Variants in PDK3 observed in about 807,000 individuals in gnomAD.
PDK3 encodes the protein pyruvate dehydrogenase kinase 3.
Under a neutral mutation model 32.0 loss-of-function variants are expected in PDK3, and 12 were observed. The observed-to-expected ratio is 0.37, with a 90% CI of 0.24 to 0.61. The LOEUF (loss-of-function observed/expected upper bound fraction) is 0.61. PDK3 is among the 20% of genes least tolerant of loss of function. The pLI, the probability that PDK3 is intolerant of heterozygous loss-of-function variation, is 0.65. For synonymous variants in PDK3, 122 were observed against 116.3 expected (o/e 1.05, Z -0.31); for missense variants, 188 against 316.9 (o/e 0.59, Z 3.09).
At chrX:24,518,584 T>C (rs746518519) in intron 5 of PDK3, among the ~76,000 whole-genome samples, 17 of 112,105 alleles carry the variant, frequency 1.5e-4, no homozygotes, top group Admixed American at 1.4e-3. Context: ...CTTGGAAGGC[T>C]GAGGCGGGAG....
chrX:24,543,270 A>G (rs1199904836), exon 12 of PDK3, among the ~76,000 whole-genome samples: 1 of 110,396 alleles, frequency 9.1e-6, no homozygotes, highest in African/African-American at 3.3e-5. Context: ...TCTGTCCTTC[A>G]CAGTTATCTT....
intron 1 of PDK3, among the ~76,000 whole-genome samples, chrX:24,484,535 G>C (rs952032110): frequency 8.9e-6 from 1 of 111,866 alleles, no homozygotes; most frequent in Admixed American, 9.5e-5. Flanking sequence ...TCACTAGTCT[G>C]TGCAGATATA....
intron 9 of PDK3, among the ~76,000 whole-genome samples, chrX:24,531,375 A>T (rs998187173): frequency 1.8e-5 from 2 of 112,304 alleles, no homozygotes; most frequent in African/African-American, 6.5e-5. Flanking sequence ...ATGTGCTTTT[A>T]AAAAAATGAT....
At chrX:24,515,792 AT>A (rs755111184) in intron 5 of PDK3, among the ~76,000 whole-genome samples, 1 of 112,075 alleles carries the variant, frequency 8.9e-6, no homozygotes, top group South Asian at 3.7e-4. Flanking sequence ...ACAATTCAAA[AT>A]TTTTAACTTT....
intron 6 of PDK3, among the ~76,000 whole-genome samples, chrX:24,520,480 CA>C (rs1306872377): frequency 1.8e-5 from 2 of 111,981 alleles, no homozygotes; most frequent in Non-Finnish European, 1.9e-5. Flanking sequence ...TTTATACTAC[CA>C]AAATACAAAT....
intron 10 of PDK3, among the ~76,000 whole-genome samples, chrX:24,532,881 G>A (rs1922684889): frequency 9.0e-6 from 1 of 110,668 alleles, no homozygotes; most frequent in Non-Finnish European, 1.9e-5. Context: ...GCCACTGTGG[G>A]TCAAGCATCC....
At chrX:24,537,493 CT>C (rs954211302), downstream of PDK3, among the ~76,000 whole-genome samples, 10 of 108,734 alleles carry the variant, frequency 9.2e-5, no homozygotes, top group African/African-American at 2.7e-4. Flanking sequence ...CTTGTTATAC[CT>C]TTTTTAGGCC....
At position 24,484,458 on chromosome X, in the gene PDK3, C is replaced by T. The variant is rs1303539786; in HGVS notation, c.107-10284C>T. Among the ~76,000 whole-genome samples the T allele has an allele frequency of 3.5e-5, 4 of 112,891 alleles. No homozygotes were observed. The East Asian group carries it at 1.1e-3, about 31-fold the overall frequency. On this transcript the variant is annotated intron_variant, in intron 1 of 10. Transcript: ENST00000379162. ...GGCATTGCCCAAGCACAGGGCACAACTTCTGGGCCCACAGAGAAATCCATT... is the reference window on the plus strand; with the variant it reads ...GGCATTGCCCAAGCACAGGGCACAATTTCTGGGCCCACAGAGAAATCCATT...
chrX:24,529,758 C>CA (rs535951847), intron 9 of PDK3, among the ~76,000 whole-genome samples: 13,806 of 50,148 alleles, frequency 0.28, 1,312 homozygotes, highest in Non-Finnish European at 0.37. Flanking sequence ...GGCTCTGCCT[C>CA]AAAAAAAAAA....
exon 12 of PDK3, among the ~76,000 whole-genome samples, chrX:24,543,915 T>C (rs754670014): frequency 8.9e-6 from 1 of 111,868 alleles, no homozygotes; most frequent in South Asian, 3.7e-4. Flanking sequence ...TTCCTTTTCT[T>C]GTATTGTTTT....
At chrX:24,496,208 G>A (rs922613785) in intron 2 of PDK3, among the ~76,000 whole-genome samples, 2 of 110,205 alleles carry the variant, frequency 1.8e-5, no homozygotes, top group African/African-American at 3.3e-5. Context: ...ATACCTTCAC[G>A]TAGATTCACT....
At chrX:24,540,245 G>T (rs1429985567) in exon 12 of PDK3, among the ~76,000 whole-genome samples, 2 of 112,012 alleles carry the variant, frequency 1.8e-5, no homozygotes, top group Non-Finnish European at 3.8e-5. Context: ...TTTACCCTTA[G>T]GAATAGAAGT....
chrX:24,522,464 T>A (rs1438981243), intron 6 of PDK3, among the ~76,000 whole-genome samples: 2 of 111,230 alleles, frequency 1.8e-5, no homozygotes, highest in Non-Finnish European at 3.8e-5. Context: ...AAAATAAAAA[T>A]AAAAAAACCC....
At chrX:24,467,078 G>T (rs1940071290) in intron 1 of PDK3, among the ~76,000 whole-genome samples, 1 of 112,198 alleles carries the variant, frequency 8.9e-6, no homozygotes, top group Non-Finnish European at 1.9e-5. Flanking sequence ...ATAGCAGCTA[G>T]TGTCTACCCG....
At chrX:24,532,684 G>A (rs983544092) in intron 10 of PDK3, among the ~76,000 whole-genome samples, 1 of 111,865 alleles carries the variant, frequency 8.9e-6, no homozygotes, top group Non-Finnish European at 1.9e-5. Context: ...ATCACCACCG[G>A]TCTCAGCGTC....
chrX:24,518,837 GCACACA>G lies in PDK3; in HGVS notation c.596-58_596-53del, dbSNP rs3222401. 20,953 of 357,423 alleles carry G rather than the reference GCACACA, an allele frequency of 0.059. 192 individuals carry two copies. Among genetic ancestry groups the G allele is most frequent in the East Asian group, 0.065 (1,438 of 22,205 alleles). The allele number at this position is 357,423 out of a possible 1,213,427, so 29.5% of individuals were successfully genotyped here. Reference sequence around the variant, plus strand: ...CCTATAGATATATACATGCACATGTGCACACACACACACACACACACACACACACAC... The same window carrying G: ...CCTATAGATATATACATGCACATGTGCACACACACACACACACACACACAC... On this transcript the variant is annotated intron_variant, in intron 5 of 10. Transcript: ENST00000379162.
At chrX:24,513,219 T>C (rs1922169041) in intron 5 of PDK3, among the ~76,000 whole-genome samples, 1 of 111,489 alleles carries the variant, frequency 9.0e-6, no homozygotes, top group Admixed American at 9.6e-5. Context: ...GTTTGGAGCG[T>C]GAGGTGTGGG....
chrX:24,519,367 T>G (rs943684659), intron 6 of PDK3, among the ~76,000 whole-genome samples: 11 of 76,606 alleles, frequency 1.4e-4, no homozygotes, highest in Non-Finnish European at 2.8e-4. Flanking sequence ...GACAAATGCC[T>G]TTTTTTTTTT....
intron 1 of PDK3, among the ~76,000 whole-genome samples, chrX:24,487,650 T>C (rs1379007973): frequency 9.0e-6 from 1 of 111,213 alleles, no homozygotes; most frequent in Admixed American, 9.7e-5. Flanking sequence ...TAATAAAAAT[T>C]ATCAGAATGA....
Sources: allele counts gnomAD v4.1 joint callset (sites outside exome capture counted in the v4.1 genomes callset), GRCh38; gene constraint gnomAD v4.1.1; transcripts MANE v1.5; gene names NCBI Gene and HGNC (gene_info 2026-07-23, HGNC 2026-07-21).